The following NCAM2 variants were observed in gnomAD, a reference collection of about 807,000 sequenced individuals.
NCAM2 encodes N-CAM-2.
A neutral mutation model predicts 98.1 loss-of-function variants in NCAM2; 30 were observed. The ratio of observed to expected loss-of-function variants is 0.31; its 90% CI spans 0.23 to 0.41. The LOEUF is 0.41. Among genes scored for constraint, NCAM2 ranks in the 10% least tolerant of loss-of-function variants. NCAM2 has a pLI of 1.00. For synonymous variants in NCAM2, 368 were observed against 342.4 expected, an observed-to-expected ratio of 1.07 and a Z score of -0.83; for missense variants, 867 against 1,005.8, an observed-to-expected ratio of 0.86 and a Z score of 1.87.
At chr21:21,008,872 T>G (rs536104491) in intron 1 of NCAM2, among the ~76,000 whole-genome samples, 1 of 152,272 alleles carries the variant, frequency 6.6e-6, no homozygotes, top group Admixed American at 6.5e-5. Flanking sequence ...TCATTGCTCA[T>G]TACTGTGCAC....
chr21:21,504,141 T>C (rs1014267280), intron 15 of NCAM2, among the ~76,000 whole-genome samples: 6 of 151,934 alleles, frequency 3.9e-5, no homozygotes, highest in African/African-American at 1.2e-4. Context: ...CGTTGGTGAA[T>C]ATCCAAGATA....
intron 1 of NCAM2, among the ~76,000 whole-genome samples, chr21:21,070,653 C>G (rs144639871): frequency 6.6e-6 from 1 of 152,122 alleles, no homozygotes; most frequent in Non-Finnish European, 1.5e-5. Flanking sequence ...GTAAAGAAGT[C>G]ATTGACTACT....
intron 12 of NCAM2, among the ~76,000 whole-genome samples, chr21:21,452,835 A>C (rs1981422664): frequency 9.6e-6 from 1 of 104,708 alleles, no homozygotes; most frequent in African/African-American, 4.0e-5. Context: ...TATATATAAT[A>C]TATAATGTAT....
chr21:21,417,731 A>G (rs2077021772), intron 10 of NCAM2, among the ~76,000 whole-genome samples: 2 of 152,232 alleles, frequency 1.3e-5, no homozygotes, highest in South Asian at 4.1e-4. Flanking sequence ...GTTTAAGGAT[A>G]GAGGTCAGCT....
chr21:21,425,040 C>CAAAAAAAAAAAAAAAAAAAA (rs1192128472), intron 11 of NCAM2, among the ~76,000 whole-genome samples: 1 of 43,854 alleles, frequency 2.3e-5, no homozygotes, highest in African/African-American at 8.5e-5. Flanking sequence ...CTTCCTCCTC[C>CAAAAAAAAAAAAAAAAAAAA]AAAAAAAAAA....
intron 1 of NCAM2, among the ~76,000 whole-genome samples, chr21:21,167,672 A>C (rs929374081): frequency 1.3e-5 from 2 of 152,190 alleles, no homozygotes; most frequent in African/African-American, 2.4e-5. Flanking sequence ...CATTAAAATC[A>C]TAAAGGAATA....
intron 1 of NCAM2, among the ~76,000 whole-genome samples, chr21:21,186,371 C>T (rs1439027158): frequency 6.6e-6 from 1 of 151,770 alleles, no homozygotes; most frequent in African/African-American, 2.4e-5. Context: ...TAGTTCAAGT[C>T]AACAAAATAA....
chr21:21,208,921 T>C (rs763624622), intron 1 of NCAM2, among the ~76,000 whole-genome samples: 133 of 152,306 alleles, frequency 8.7e-4, no homozygotes, highest in Non-Finnish European at 1.7e-3. Flanking sequence ...CTGGTTGAGA[T>C]TGAGCTATAA....
At chr21:21,134,764 G>A (rs2146627712) in intron 1 of NCAM2, among the ~76,000 whole-genome samples, 1 of 148,398 alleles carries the variant, frequency 6.7e-6, no homozygotes, top group East Asian at 2.0e-4. Context: ...AGACTGGAAT[G>A]CGGTGGTGCA....
At chr21:21,287,795 G>A (rs991520407) in intron 4 of NCAM2, among the ~76,000 whole-genome samples, 26 of 151,812 alleles carry the variant, frequency 1.7e-4, no homozygotes, top group African/African-American at 5.3e-4. Flanking sequence ...ACTAAATGAC[G>A]TACAGCCAGA....
chr21:21,013,633 T>A (rs1221162461), intron 1 of NCAM2, among the ~76,000 whole-genome samples: 1 of 151,784 alleles, frequency 6.6e-6, no homozygotes, highest in African/African-American at 2.4e-5. Context: ...AATACAAAAT[T>A]AGTGGAGCAT....
chr21:21,391,089 A>C (rs901875052), intron 9 of NCAM2, among the ~76,000 whole-genome samples: 1 of 152,192 alleles, frequency 6.6e-6, no homozygotes, highest in Non-Finnish European at 1.5e-5. Context: ...GTGGTAGTGC[A>C]TGCATGTAAT....
In NCAM2 at chr21:21,442,518, T is replaced by G. The variant is rs141652191; in HGVS notation, c.1654+10237T>G. 5.3e-5 allele frequency among the ~76,000 whole-genome samples: 8 copies of G among 152,286 alleles called. No homozygotes were observed. In the East Asian group the frequency reaches 1.5e-3, roughly 29 times the overall value. On this transcript the variant is annotated intron_variant, in intron 12 of 17. Coordinates refer to ENST00000400546, the MANE Select transcript of NCAM2 (RefSeq NM_004540.5). ...CAGCCTTGTGAATTAAGACTTAAAC[T>G]GATGTCTTTAATCCCGTAGAAATAC...
rs572943752 is a variant in NCAM2 at position 21,263,671 on chromosome 21, T to G, written c.56-16907T>G. ...GTTCAAAAATAGATACATAGATCAA[T>G]GAAACAGAATAGACAATGCAAAAAT... is the stretch of plus-strand genomic sequence containing the variant. On this transcript the variant is annotated intron_variant, in intron 1 of 17. Coordinates refer to ENST00000400546, the MANE Select transcript of NCAM2 (RefSeq NM_004540.5). Among the ~76,000 whole-genome samples, 4 of 152,150 alleles carry G rather than the reference T, an allele frequency of 2.6e-5. No homozygotes were observed. In the South Asian group the frequency reaches 8.3e-4, roughly 32 times the overall value.
chr21:21,145,472 A>C (rs2067252419), intron 1 of NCAM2, among the ~76,000 whole-genome samples: 1 of 152,186 alleles, frequency 6.6e-6, no homozygotes, highest in Non-Finnish European at 1.5e-5. Flanking sequence ...TGTCCATCAA[A>C]GTATGCAATA....
At position 21,540,871 on chromosome 21, in the gene NCAM2, G is replaced by A. The variant is rs914423197; in HGVS notation, c.*2914G>A. ...TATCAGAATTTTGACACAAATTAATGTGTCAACATATTTTACAATGATTGT... is the reference window on the plus strand; with the variant it reads ...TATCAGAATTTTGACACAAATTAATATGTCAACATATTTTACAATGATTGT... On this transcript the variant is annotated 3_prime_UTR_variant, in exon 18 of 18. Coordinates refer to ENST00000400546, the MANE Select transcript of NCAM2 (RefSeq NM_004540.5). The A allele has an allele frequency of 6.6e-6, 1 of 151,856 alleles. No homozygotes were observed. Among genetic ancestry groups the A allele is most frequent in the African/African-American group, 2.4e-5 (1 of 41,410 alleles). The allele number at this position is 151,856 out of a possible 1,614,324, so 9.4% of individuals were successfully genotyped here. A position where few individuals can be genotyped will look rare whatever the true frequency, so the allele number is the denominator to read the frequency against.
chr21:21,531,816 TA>T (rs1251746094), intron 16 of NCAM2, among the ~76,000 whole-genome samples: 3 of 120,122 alleles, frequency 2.5e-5, no homozygotes, highest in African/African-American at 9.8e-5. Flanking sequence ...CCGTCTCTAC[TA>T]AAAAATACCA....
chr21:21,206,605 G>A (rs1798853940), intron 1 of NCAM2, among the ~76,000 whole-genome samples: 1 of 152,042 alleles, frequency 6.6e-6, no homozygotes, highest in Admixed American at 6.6e-5. Flanking sequence ...TGTAGGGAAC[G>A]GAGTTTGTTT....
At chr21:21,524,970 T>C (rs1270397605) in intron 16 of NCAM2, among the ~76,000 whole-genome samples, 3 of 151,686 alleles carry the variant, frequency 2.0e-5, no homozygotes, top group Admixed American at 6.6e-5. Flanking sequence ...TAAATGAAAA[T>C]GAAAACACAA....
Sources: allele counts gnomAD v4.1 joint callset (sites outside exome capture counted in the v4.1 genomes callset), GRCh38; gene constraint gnomAD v4.1.1; transcripts MANE v1.5; gene names NCBI Gene and HGNC (gene_info 2026-07-23, HGNC 2026-07-21).